Variants in KHDRBS2 observed in about 807,000 individuals in gnomAD.
The protein encoded by KHDRBS2 is KH domain-containing, RNA-binding, signal transduction-associated protein 2.
A neutral mutation model predicts 44.3 loss-of-function variants in KHDRBS2; 26 were observed. That is an observed-to-expected ratio of 0.59 (90% CI 0.43 to 0.81). The LOEUF (loss-of-function observed/expected upper bound fraction) is 0.81. Among genes scored for constraint, KHDRBS2 ranks in the 40% least tolerant of loss-of-function variants. The pLI is 0.00. For missense variants in KHDRBS2, 476 were observed against 433.1 expected (o/e 1.10, Z -0.88); for synonymous variants, 194 against 151.1 (o/e 1.28, Z -2.08).
At chr6:61,582,359 T>A in the KHDRBS2 span, among the ~76,000 whole-genome samples, 1 of 151,454 alleles carries the variant, frequency 6.6e-6, no homozygotes, top group Non-Finnish European at 1.5e-5. Flanking sequence ...AATATACAAA[T>A]AGATACAGAT....
At chr6:61,712,599 A>G (rs6938290) in intron 7 of KHDRBS2, among the ~76,000 whole-genome samples, 58,720 of 151,558 alleles carry the variant, frequency 0.39, 12,603 homozygotes, top group African/African-American at 0.59. Flanking sequence ...TAAAGTTTGG[A>G]CCTTTTACTT....
At chr6:61,755,126 C>A (rs1255745914) in intron 6 of KHDRBS2, among the ~76,000 whole-genome samples, 2 of 152,048 alleles carry the variant, frequency 1.3e-5, no homozygotes. Flanking sequence ...TTTATGTTAT[C>A]CTCCATGCAG....
intron 1 of KHDRBS2, among the ~76,000 whole-genome samples, chr6:62,236,171 A>T (rs965359442): frequency 2.0e-5 from 3 of 152,078 alleles, no homozygotes; most frequent in Non-Finnish European, 4.4e-5. Flanking sequence ...TAAACTGCTT[A>T]TTATTTAGCA....
rs1019344036 is a variant in KHDRBS2, at chr6:61,680,371, A to AAAAC, written c.*588_*591dup. 3.3e-5 allele frequency: 5 copies of AAAAC among 152,198 alleles called. No individual in the cohort carries two copies. Among genetic ancestry groups the AAAAC allele is most frequent in the African/African-American group, 1.2e-4 (5 of 41,412 alleles). 9.4% of individuals were successfully genotyped at this position (152,198 alleles called of 1,614,324 possible). A position where few individuals can be genotyped will look rare whatever the true frequency, so the allele number is the denominator to read the frequency against. On this transcript the variant is annotated 3_prime_UTR_variant, in exon 9 of 9. Transcript: ENST00000281156. ...TTTTCTTTTTTAACAAATACAGGTTAAAACACTGAACAAATTCAGTTAGCT... is the reference window on the plus strand; with the variant it reads ...TTTTCTTTTTTAACAAATACAGGTTAAAACAAACACTGAACAAATTCAGTTAGCT...
chr6:61,910,111 A>C (rs1250930533), intron 4 of KHDRBS2, among the ~76,000 whole-genome samples: 1 of 152,240 alleles, frequency 6.6e-6, no homozygotes, highest in Non-Finnish European at 1.5e-5. Flanking sequence ...ATAGTAAAGA[A>C]GGTGTGGGAA....
chr6:62,122,689 G>A (rs1429837728), intron 2 of KHDRBS2, among the ~76,000 whole-genome samples: 2 of 152,062 alleles, frequency 1.3e-5, no homozygotes, highest in Non-Finnish European at 2.9e-5. Flanking sequence ...TGCATACGTG[G>A]CTCTGCACAA....
At chr6:61,604,164 G>A in the KHDRBS2 span, among the ~76,000 whole-genome samples, 1 of 152,030 alleles carries the variant, frequency 6.6e-6, no homozygotes. Flanking sequence ...GCTGTTATAG[G>A]GGCTGAAAGA....
intron 4 of KHDRBS2, among the ~76,000 whole-genome samples, chr6:61,941,310 A>G (rs916653867): frequency 2.0e-5 from 3 of 152,040 alleles, no homozygotes; most frequent in African/African-American, 7.2e-5. Context: ...AGCACACAGC[A>G]CTCAGAATTC....
chr6:61,677,255 C>A (rs1287123873), downstream of KHDRBS2, among the ~76,000 whole-genome samples: 1 of 151,772 alleles, frequency 6.6e-6, no homozygotes, highest in Non-Finnish European at 1.5e-5. Context: ...TCTTTCATTG[C>A]TTTATCAGAT....
intron 8 of KHDRBS2, among the ~76,000 whole-genome samples, chr6:61,686,876 G>A (rs976445544): frequency 3.3e-5 from 5 of 150,348 alleles, no homozygotes; most frequent in African/African-American, 1.2e-4. Context: ...AATTAGTGTT[G>A]ATTCCAACAA....
the KHDRBS2 span, among the ~76,000 whole-genome samples, chr6:61,556,872 A>ATTTT: frequency 1.3e-4 from 11 of 87,494 alleles, 1 homozygote; most frequent in Non-Finnish European, 2.0e-4. Flanking sequence ...TGAAATTGAG[A>ATTTT]TTTTTTTTTT....
intron 1 of KHDRBS2, among the ~76,000 whole-genome samples, chr6:62,255,858 G>T (rs1291723080): frequency 6.6e-6 from 1 of 151,862 alleles, no homozygotes; most frequent in Non-Finnish European, 1.5e-5. Flanking sequence ...AAGGCCAGTT[G>T]TGGTGGCTCA....
chr6:61,760,492 G>A (rs1163477481), intron 6 of KHDRBS2, among the ~76,000 whole-genome samples: 2 of 151,986 alleles, frequency 1.3e-5, no homozygotes, highest in Non-Finnish European at 1.5e-5. Flanking sequence ...AACTAGCTGG[G>A]TGTGGTGGCA....
intron 3 of KHDRBS2, among the ~76,000 whole-genome samples, chr6:61,991,680 C>T (rs1562596931): frequency 6.6e-6 from 1 of 152,122 alleles, no homozygotes; most frequent in Admixed American, 6.5e-5. Context: ...GGCCAAATGC[C>T]TCTTTTTGAA....
At chr6:61,575,249 A>G in the KHDRBS2 span, among the ~76,000 whole-genome samples, 1 of 152,328 alleles carries the variant, frequency 6.6e-6, no homozygotes, top group East Asian at 1.9e-4. Flanking sequence ...TCTACAAGGA[A>G]CTCAAACAAA....
chr6:61,624,491 G>C, the KHDRBS2 span, among the ~76,000 whole-genome samples: 1 of 152,168 alleles, frequency 6.6e-6, no homozygotes, highest in Non-Finnish European at 1.5e-5. Context: ...TTATGGCTTT[G>C]AGTTTTCTTT....
chr6:61,931,687 T>C (rs1194032711), intron 4 of KHDRBS2, among the ~76,000 whole-genome samples: 1 of 152,188 alleles, frequency 6.6e-6, no homozygotes, highest in Admixed American at 6.5e-5. Flanking sequence ...ACATGATGTT[T>C]TGAAGTACAG....
intron 4 of KHDRBS2, among the ~76,000 whole-genome samples, chr6:61,950,253 A>G (rs1276183905): frequency 1.3e-5 from 2 of 152,052 alleles, no homozygotes; most frequent in Admixed American, 1.3e-4. Context: ...ATGGCTTGCT[A>G]TTTAACAGTA....
At chr6:61,853,259 T>A (rs1241731655) in intron 6 of KHDRBS2, among the ~76,000 whole-genome samples, 2 of 152,192 alleles carry the variant, frequency 1.3e-5, no homozygotes, top group African/African-American at 4.8e-5. Context: ...TCTCCAAATC[T>A]ACTCACTGAG....
Sources: gnomAD v4.1 joint callset for allele counts (sites outside exome capture counted in the v4.1 genomes callset) on GRCh38, gnomAD v4.1.1 for gene constraint, MANE v1.5 for transcripts, NCBI Gene and HGNC (gene_info 2026-07-23, HGNC 2026-07-21) for gene names.